Variants in GTF2A2 observed in about 807,000 individuals in gnomAD.
GTF2A2 encodes transcription initiation factor IIA subunit 2.
Under a neutral mutation model 14.3 loss-of-function variants are expected in GTF2A2, and 9 were observed. That is an observed-to-expected ratio of 0.63 (90% confidence interval 0.38 to 1.10). The LOEUF (loss-of-function observed/expected upper bound fraction) is 1.10. GTF2A2 is among the 50% of genes least tolerant of loss of function. The pLI, the probability that GTF2A2 is intolerant of heterozygous loss-of-function variation, is 0.01. For synonymous variants in GTF2A2, 56 were observed against 46.0 expected (o/e 1.22, Z -0.88); for missense variants, 90 against 124.6 (o/e 0.72, Z 1.32).
rs1306264060 is a variant in GTF2A2 at position 59,643,558 on chromosome 15, A to AAT, written c.178-1298_178-1297dup. Among the ~76,000 whole-genome samples, 8 of 150,948 alleles carry AAT rather than the reference A, an allele frequency of 5.3e-5. 1 individual carries two copies. The highest frequency in any genetic ancestry group is 4.0e-4 in the Admixed American group (6 of 15,130). ...AGAAAAAAAAATTGTTTAAAGTAGG[A>AAT]ATATATATATACTTGAGCATCAAAA... On this transcript the variant is annotated intron_variant, in intron 3 of 4. Transcript: ENST00000396060.
At chr15:59,647,467 T>C (rs1288468058) in intron 3 of GTF2A2, among the ~76,000 whole-genome samples, 1 of 152,232 alleles carries the variant, frequency 6.6e-6, no homozygotes, top group African/African-American at 2.4e-5. Context: ...ATAAGATATT[T>C]AGCTTTGGTC....
chr15:59,648,400 T>TC, intron 3 of GTF2A2, among the ~76,000 whole-genome samples: 1 of 8,650 alleles, frequency 1.2e-4, no homozygotes, highest in African/African-American at 3.3e-4. Context: ...AGACTTCGTC[T>TC]CAAAAAAAAA....
chr15:59,641,264 C>CA (rs1205363257), intron 4 of GTF2A2, among the ~76,000 whole-genome samples: 18 of 148,386 alleles, frequency 1.2e-4, no homozygotes, highest in East Asian at 2.0e-4. Context: ...TACATTTTTG[C>CA]AAAAAAAAGT....
intron 4 of GTF2A2, among the ~76,000 whole-genome samples, chr15:59,640,400 A>G (rs1393287318): frequency 6.6e-6 from 1 of 152,192 alleles, no homozygotes; most frequent in Non-Finnish European, 1.5e-5. Flanking sequence ...TCTGGTTCTC[A>G]GCTATGGTTC....
At chr15:59,651,947 G>A (rs1891806151) in intron 2 of GTF2A2, 2 of 312,874 alleles carry the variant, frequency 6.4e-6, no homozygotes, top group Non-Finnish European at 1.2e-5. Context: ...TCCTCCTAAA[G>A]TGCTGGGATT....
Position 59,652,313 on chromosome 15 carries a change from C to A in GTF2A2, c.-36G>T. On this transcript the variant is annotated 5_prime_UTR_variant, in exon 2 of 5. Coordinates refer to ENST00000396060, the MANE Select transcript of GTF2A2 (RefSeq NM_004492.3). ...GAAGAATTTGTTTTTCTTATTCAAG[C>A]TTGCATTGATGTCCTAAAAATTTAA... The A allele has an allele frequency of 1.7e-6, 2 of 1,188,760 alleles. No homozygotes were observed. Among genetic ancestry groups the A allele is most frequent in the Non-Finnish European group, 1.2e-6 (1 of 812,100 alleles). 73.6% of individuals were successfully genotyped at this position (1,188,760 alleles called of 1,614,324 possible).
Position 59,639,065 on chromosome 15 carries a change from CT to C in GTF2A2, c.*66del. On this transcript the variant is annotated 3_prime_UTR_variant, in exon 5 of 5. Coordinates refer to ENST00000396060, the MANE Select transcript of GTF2A2 (RefSeq NM_004492.3). The stretch of plus-strand genomic sequence containing the variant: ...CAATTCTAGAATAAATAAAAAGTCT[CT>C]TCTATGCTTCTCTTCAAAAGCAATG... 1 of 909,882 alleles carries C rather than the reference CT, an allele frequency of 1.1e-6. No homozygotes were observed. The highest frequency in any genetic ancestry group is 1.8e-6 in the Non-Finnish European group (1 of 544,110). The allele number at this position is 909,882 out of a possible 1,614,324, so 56.4% of individuals were successfully genotyped here.
intron 3 of GTF2A2, among the ~76,000 whole-genome samples, chr15:59,646,999 C>G (rs1255770072): frequency 6.7e-6 from 1 of 150,184 alleles, no homozygotes; most frequent in Non-Finnish European, 1.5e-5. Context: ...TATGTATATA[C>G]TATATATACA....
intron 2 of GTF2A2, chr15:59,651,053 GAAGA>G (rs1470117971): frequency 1.2e-4 from 30 of 250,056 alleles, no homozygotes; most frequent in African/African-American, 6.5e-4. Flanking sequence ...CTGGAAAGGA[GAAGA>G]TAGACAAAGA....
intron 3 of GTF2A2, among the ~76,000 whole-genome samples, chr15:59,650,205 C>G (rs2141964663): frequency 1.3e-5 from 2 of 152,262 alleles, no homozygotes; most frequent in South Asian, 4.1e-4. Flanking sequence ...TGTTATCTAC[C>G]ATTAGAGATC....
intron 1 of GTF2A2, among the ~76,000 whole-genome samples, chr15:59,653,888 G>A (rs907403752): frequency 6.6e-6 from 1 of 152,114 alleles, no homozygotes; most frequent in Non-Finnish European, 1.5e-5. Flanking sequence ...AAAAACCTGA[G>A]TCAAGAGTAA....
rs1160313515 is a variant in GTF2A2 at position 59,650,671 on chromosome 15, T to G, written c.175A>C (p.Arg59=). ...AQRVRNRVNF[R]GSLNTYRFCD... is the part of the protein sequence containing the mutation. Reference sequence around the variant, plus strand: ...TAGATTCAGGAAAATATCCTTACCCTGAAATTGACTCTGTTCCTGACCCTC... The same window carrying G: ...TAGATTCAGGAAAATATCCTTACCCGGAAATTGACTCTGTTCCTGACCCTC... The change falls in exon 3 of 5, where the codon AGG becomes CGG. Residue 59 remains arginine, a splice_region_variant and synonymous_variant. Transcript: ENST00000396060. 1.9e-6 allele frequency: 3 copies of G among 1,553,742 alleles called. No homozygotes were observed. Among genetic ancestry groups the G allele is most frequent in the Admixed American group, 1.7e-5 (1 of 59,698 alleles).
intron 3 of GTF2A2, among the ~76,000 whole-genome samples, chr15:59,645,297 C>G (rs35098653): frequency 6.6e-6 from 1 of 152,078 alleles, no homozygotes; most frequent in Non-Finnish European, 1.5e-5. Context: ...TCAGTTTAAC[C>G]AAAGCCAGAG....
intron 1 of GTF2A2, among the ~76,000 whole-genome samples, chr15:59,654,655 A>C (rs1350007026): frequency 1.3e-5 from 2 of 152,210 alleles, no homozygotes; most frequent in Non-Finnish European, 2.9e-5. Flanking sequence ...TGTTGAGTGA[A>C]ATACTTGGTA....
In GTF2A2 at chr15:59,642,191, C is replaced by T. The variant is rs1802671; in HGVS notation, c.249G>A (p.Glu83=). Residue 83 remains glutamate (E), a synonymous_variant, in exon 4 of 5, where the codon GAG becomes GAA. Coordinates refer to ENST00000396060, the MANE Select transcript of GTF2A2 (RefSeq NM_004492.3). ...TFVLNDVEFR[E]VTELIKVDKV... Reference sequence around the variant, plus strand: ...TATCCACTTTAATAAGTTCTGTCACCTCTCTGAATTCAACATCATTCAGTA... The same window carrying T: ...TATCCACTTTAATAAGTTCTGTCACTTCTCTGAATTCAACATCATTCAGTA... 1 of 1,609,406 alleles carries T rather than the reference C, an allele frequency of 6.2e-7. No homozygotes were observed. Among genetic ancestry groups the T allele is most frequent in the Non-Finnish European group, 8.5e-7 (1 of 1,177,062 alleles).
chr15:59,646,499 T>G (rs1367300093), intron 3 of GTF2A2, among the ~76,000 whole-genome samples: 1 of 152,196 alleles, frequency 6.6e-6, no homozygotes, highest in Non-Finnish European at 1.5e-5. Flanking sequence ...TTGGATAATG[T>G]TATGTAAATA....
rs536529717 is a variant in GTF2A2 at position 59,653,195 on chromosome 15, C to T, written c.-49-869G>A. 4.6e-5 allele frequency among the ~76,000 whole-genome samples: 7 copies of T among 152,048 alleles called. No individual in the cohort carries two copies. In the East Asian group the frequency reaches 5.8e-4, roughly 13 times the overall value. ...AAGGTCAGACAGCTGGGCTTCAGTG[C>T]GTGATTTAGAAACAGATGAGGGATG... On this transcript the variant is annotated intron_variant, in intron 1 of 4. Transcript: ENST00000396060.
intron 1 of GTF2A2, among the ~76,000 whole-genome samples, chr15:59,656,430 T>C (rs1438489949): frequency 1.3e-5 from 2 of 150,396 alleles, no homozygotes; most frequent in Non-Finnish European, 3.0e-5. Context: ...ATATTTCTCT[T>C]TTTTTTTTTG....
chr15:59,641,768 A>G (rs1177836957), intron 4 of GTF2A2, among the ~76,000 whole-genome samples: 1 of 152,208 alleles, frequency 6.6e-6, no homozygotes, highest in Non-Finnish European at 1.5e-5. Flanking sequence ...CTCTTTAAAT[A>G]TATGGGTCTC....
Sources: allele counts gnomAD v4.1 joint callset (sites outside exome capture counted in the v4.1 genomes callset), GRCh38; gene constraint gnomAD v4.1.1; transcripts MANE v1.5; gene names NCBI Gene and HGNC (gene_info 2026-07-23, HGNC 2026-07-21).